MTA2: variants seen among roughly 807,000 people sequenced by gnomAD.
MTA2 encodes metastasis associated 1 family member 2.
Under a neutral mutation model 87.1 loss-of-function variants are expected in MTA2, and 22 were observed. The ratio of observed to expected loss-of-function variants is 0.25; its 90% CI spans 0.18 to 0.36. MTA2 has a LOEUF of 0.36. MTA2 is among the 10% of genes least tolerant of loss of function. The pLI is 1.00. For synonymous variants in MTA2, 314 were observed against 310.1 expected (o/e 1.01, Z -0.13); for missense variants, 542 against 853.2 (o/e 0.64, Z 4.54).
intron 7 of MTA2, 36 bp downstream of exon 7, chr11:62,597,574 C>T: frequency 1.3e-6 from 2 of 1,586,260 alleles, no homozygotes; most frequent in Middle Eastern, 1.7e-4. Context: ...GTCCACACCT[C>T]CCCCAGCCCA....
At position 62,598,656 on chromosome 11, in the gene MTA2, G is replaced by A; in HGVS notation, c.191-17C>T. ...CAAACTCCCCTGGGAGATTAAAGAG[G>A]AAGAAACCAAGTCAGAAATGGATCC... On this transcript the variant is annotated splice_polypyrimidine_tract_variant and intron_variant, in intron 3 of 17. Transcript: ENST00000278823. 1.2e-6 allele frequency: 2 copies of A among 1,608,304 alleles called. No homozygotes were observed. The highest frequency in any genetic ancestry group is 1.7e-6 in the Non-Finnish European group (2 of 1,175,654).
In MTA2 at chr11:62,593,762, G is replaced by T; in HGVS notation, c.*113C>A. On this transcript the variant is annotated 3_prime_UTR_variant, in exon 18 of 18. Coordinates refer to ENST00000278823, the MANE Select transcript of MTA2 (RefSeq NM_004739.4). The stretch of plus-strand genomic sequence containing the variant: ...CCCCTCCAGGGACACACACTCACTT[G>T]CTCTCTTCCTTAATTCACTCCTCAC... 1.5e-6 allele frequency: 2 copies of T among 1,351,858 alleles called. No individual in the cohort carries two copies. Among genetic ancestry groups the T allele is most frequent in the Non-Finnish European group, 2.0e-6 (2 of 982,636 alleles). 83.7% of individuals were successfully genotyped at this position (1,351,858 alleles called of 1,614,324 possible).
rs1172440985 is a variant in MTA2, at chr11:62,596,779, T to C, written c.740A>G (p.Lys247Arg). The change falls in exon 9 of 18, where the codon AAG becomes AGG. Residue 247 changes from lysine (K) to arginine (R), a missense_variant. Physicochemically the swap from Lys to Arg is conservative, Grantham distance 26. This residue lies in a region of MTA2 where 44 missense variants were observed against 104.8 expected (regional missense o/e 0.42). Transcript: ENST00000278823. Reference protein sequence around the residue: ...TLQRNGYDLAKAMSTLVPQGG... With the variant: ...TLQRNGYDLARAMSTLVPQGG... ...CTGGGGTACCAGGGTCGACATGGCC[T>C]TAGCCAGGTCGTAGCCGTTCCTTTG... is the stretch of plus-strand genomic sequence containing the variant. 1.2e-6 allele frequency: 2 copies of C among 1,613,554 alleles called. No homozygotes were observed.
chr11:62,599,647 A>C lies in MTA2; in HGVS notation c.190+519T>G, dbSNP rs886343031. ...TTAAAGAGAATGAAGATAGGGCAAA[A>C]TGAAAAGGGAAAGATGTAAAATGGA... On this transcript the variant is annotated intron_variant, in intron 3 of 17. Transcript: ENST00000278823. 2.0e-5 allele frequency among the ~76,000 whole-genome samples: 3 copies of C among 149,550 alleles called. No homozygotes were observed. The East Asian group carries it at 6.1e-4, about 30-fold the overall frequency.
At position 62,593,884 on chromosome 11, in the gene MTA2, C is replaced by T. The variant is rs1942058280; in HGVS notation, c.1998G>A (p.Leu666=). Residue 666 remains leucine (L), a synonymous_variant, in exon 18 of 18, where the codon CTG becomes CTA. Transcript: ENST00000278823. ...CCTTCCCCACAGGTGCTCAGTCCTC[C>T]AGGACAATAGGCTCATTGGTGCTGG... ...HPASTNEPIV[L]ED 6.2e-7 allele frequency: 1 copy of T among 1,614,002 alleles called. No individual in the cohort carries two copies. The highest frequency in any genetic ancestry group is 1.1e-5 in the South Asian group (1 of 91,080).
At chr11:62,594,878 A>G (rs1048797808) in intron 15 of MTA2, 103 bp downstream of exon 15, 1 of 1,088,358 alleles carries the variant, frequency 9.2e-7, no homozygotes. Flanking sequence ...GTTAGACTAA[A>G]TCTCTGAGGA....
Position 62,601,595 on chromosome 11 carries a change from C to T in MTA2, c.-145G>A, listed in dbSNP as rs932920962. On this transcript the variant is annotated 5_prime_UTR_variant, in exon 1 of 18. Coordinates refer to ENST00000278823, the MANE Select transcript of MTA2 (RefSeq NM_004739.4). Reference sequence around the variant, plus strand: ...GCCCGCGCAGCCGGCACCTCCGCTGCCTCAGCCGTCGCGGTTCATCCCGGC... The same window carrying T: ...GCCCGCGCAGCCGGCACCTCCGCTGTCTCAGCCGTCGCGGTTCATCCCGGC... The T allele has an allele frequency of 2.9e-5, 27 of 925,890 alleles. No homozygotes were observed. The highest frequency in any genetic ancestry group is 3.5e-5 in the Non-Finnish European group (23 of 648,186). The allele number at this position is 925,890 out of a possible 1,614,324, so 57.4% of individuals were successfully genotyped here. A position where few individuals can be genotyped will look rare whatever the true frequency, so the allele number is the denominator to read the frequency against.
chr11:62,594,130 G>A, intron 17 of MTA2, 90 bp from the exon 18 acceptor site: 1 of 1,553,820 alleles, frequency 6.4e-7, no homozygotes, highest in Non-Finnish European at 8.7e-7. Context: ...ATGCCTTCTG[G>A]CCCATTCTTT....
rs1485571631 is a variant in MTA2, at chr11:62,593,357, CT to C, written c.*517del. 6.8e-6 allele frequency: 1 copy of C among 147,226 alleles called. No homozygotes were observed. The highest frequency in any genetic ancestry group is 2.5e-5 in the African/African-American group (1 of 39,400). 9.1% of individuals were successfully genotyped at this position (147,226 alleles called of 1,614,324 possible). A position where few individuals can be genotyped will look rare whatever the true frequency, so the allele number is the denominator to read the frequency against. On this transcript the variant is annotated 3_prime_UTR_variant, in exon 18 of 18. Transcript: ENST00000278823. ...GAGGGAAGGAAAGAGCGAGCGTGGC[CT>C]GGGGTTGATGCCAGCTTAGGGGCCT...
Position 62,601,801 on chromosome 11 carries a change from G to C in MTA2, c.-351C>G, listed in dbSNP as rs751172819. The C allele has an allele frequency of 2.8e-4, 139 of 503,090 alleles. No individual in the cohort carries two copies. The highest frequency in any genetic ancestry group is 4.0e-4 in the Non-Finnish European group (117 of 289,298). The allele number at this position is 503,090 out of a possible 1,614,324, so 31.2% of individuals were successfully genotyped here. A position where few individuals can be genotyped will look rare whatever the true frequency, so the allele number is the denominator to read the frequency against. On this transcript the variant is annotated 5_prime_UTR_variant, in exon 1 of 18. Coordinates refer to ENST00000278823, the MANE Select transcript of MTA2 (RefSeq NM_004739.4). ...CTGCCGGCCGCAGGGAAGGCTTGCC[G>C]GGCCCGCCTCAGGGTTCGCCTCCTT...
At position 62,595,130 on chromosome 11, in the gene MTA2, A is replaced by G; in HGVS notation, c.1484-60T>C. The stretch of plus-strand genomic sequence containing the variant: ...CACCATTCAGGTCTCCTCTAAGGCC[A>G]GAAGCCAACTCTAATCTTAAAAAAA... On this transcript the variant is annotated intron_variant, in intron 14 of 17. Coordinates refer to ENST00000278823, the MANE Select transcript of MTA2 (RefSeq NM_004739.4). The surrounding 1 kb of genome is among the most constrained non-coding windows in gnomAD (Gnocchi z 4.9). 5 of 1,570,230 alleles carry G rather than the reference A, an allele frequency of 3.2e-6. No homozygotes were observed. The highest frequency in any genetic ancestry group is 4.4e-6 in the Non-Finnish European group (5 of 1,146,390).
At chr11:62,596,148 T>G (rs777270343) in intron 11 of MTA2, 41 bp from the exon 12 acceptor site, 1 of 1,607,768 alleles carries the variant, frequency 6.2e-7, no homozygotes, top group Non-Finnish European at 8.5e-7. Flanking sequence ...AACAAGAAAC[T>G]GGTCAAGGAA....
At position 62,595,518 on chromosome 11, in the gene MTA2, G is replaced by C. The variant is rs1942086571; in HGVS notation, c.1255-26C>G. The C allele has an allele frequency of 6.2e-7, 1 of 1,612,016 alleles. No homozygotes were observed. The highest frequency in any genetic ancestry group is 8.5e-7 in the Non-Finnish European group (1 of 1,178,254). ...CTAGAAGAAGAGCATAGGAAAGAGA[G>C]AGAGCAGAAATCAGCACTGAGGCTC... is the stretch of plus-strand genomic sequence containing the variant. On this transcript the variant is annotated intron_variant, in intron 13 of 17. Coordinates refer to ENST00000278823, the MANE Select transcript of MTA2 (RefSeq NM_004739.4). This position sits in a 1 kb window ranked among gnomAD's most constrained non-coding sequence, Gnocchi z 4.9.
In MTA2 at chr11:62,598,379, C is replaced by G. The variant is rs1270625502; in HGVS notation, c.320G>C (p.Ser107Thr). The stretch of plus-strand genomic sequence containing the variant: ...ATCTGTCTCATTCAAGAGGGTCACA[C>G]TGCATTTCCCCCTATAGGAGAGAGA... The part of the protein sequence containing the change: ...LPATHIRGKC[S>T]VTLLNETDIL... Residue 107 changes from serine to threonine, a missense_variant, in exon 5 of 18, where the codon AGT becomes ACT. Around this residue, in one of 6 missense-constraint regions of MTA2, gnomAD observed 150 missense variants for 243.9 expected, o/e 0.62. Transcript: ENST00000278823. The G allele has an allele frequency of 1.9e-6, 3 of 1,614,056 alleles. No individual in the cohort carries two copies. The highest frequency in any genetic ancestry group is 2.5e-6 in the Non-Finnish European group (3 of 1,180,034).
In MTA2 at chr11:62,593,859, C is replaced by T; in HGVS notation, c.*16G>A. On this transcript the variant is annotated 3_prime_UTR_variant, in exon 18 of 18. Transcript: ENST00000278823. ...CACCCTCTACCTCTCAGCCCACCTCCCTTCCCCACAGGTGCTCAGTCCTCC... is the reference window on the plus strand; with the variant it reads ...CACCCTCTACCTCTCAGCCCACCTCTCTTCCCCACAGGTGCTCAGTCCTCC... 6.2e-7 allele frequency: 1 copy of T among 1,614,016 alleles called. No homozygotes were observed.
chr11:62,596,784 C>A lies in MTA2; in HGVS notation c.735G>T (p.Leu245=). 6.2e-7 allele frequency: 1 copy of A among 1,612,564 alleles called. No homozygotes were observed. The highest frequency in any genetic ancestry group is 2.2e-5 in the East Asian group (1 of 44,882). Residue 245 remains leucine, a synonymous_variant, in exon 9 of 18, where the codon CTG becomes CTT. Coordinates refer to ENST00000278823, the MANE Select transcript of MTA2 (RefSeq NM_004739.4). ...MDTLQRNGYD[L]AKAMSTLVPQ... ...GTACCAGGGTCGACATGGCCTTAGC[C>A]AGGTCGTAGCCGTTCCTTTGCAAGG...
chr11:62,595,610 C>T lies in MTA2; in HGVS notation c.1255-118G>A. 1.3e-6 allele frequency: 2 copies of T among 1,508,642 alleles called. No homozygotes were observed. The highest frequency in any genetic ancestry group is 9.1e-7 in the Non-Finnish European group (1 of 1,104,962). The allele number at this position is 1,508,642 out of a possible 1,614,324, so 93.5% of individuals were successfully genotyped here. The stretch of plus-strand genomic sequence containing the variant: ...TCTAATCTCTTTACTGACCTCTTGG[C>T]CTATGTGTCTCCCCAACCAGCATCA... On this transcript the variant is annotated intron_variant, in intron 13 of 17. Transcript: ENST00000278823. The surrounding 1 kb of genome is among the most constrained non-coding windows in gnomAD (Gnocchi z 4.9).
At position 62,593,557 on chromosome 11, in the gene MTA2, A is replaced by G. The variant is rs1364598705; in HGVS notation, c.*318T>C. 1 of 190,598 alleles carries G rather than the reference A, an allele frequency of 5.2e-6. No homozygotes were observed. Among genetic ancestry groups the G allele is most frequent in the East Asian group, 1.7e-4 (1 of 6,026 alleles). The allele number at this position is 190,598 out of a possible 1,614,324, so 11.8% of individuals were successfully genotyped here. A position where few individuals can be genotyped will look rare whatever the true frequency, so the allele number is the denominator to read the frequency against. ...CCTCCCCATCCCCTTTCACAAAGGG[A>G]GGCAAAATTTTTAAAAAATTAAAAA... On this transcript the variant is annotated 3_prime_UTR_variant, in exon 18 of 18. Transcript: ENST00000278823.
In MTA2 at chr11:62,598,404, AT is replaced by A. The variant is rs1249593130; in HGVS notation, c.309-15del. ...CTGCATTTCCCCCTATAGGAGAGAGATTGGAAAACCCCGGTGAGCCCCACTC... is the reference window on the plus strand; with the variant it reads ...CTGCATTTCCCCCTATAGGAGAGAGATGGAAAACCCCGGTGAGCCCCACTC... On this transcript the variant is annotated splice_polypyrimidine_tract_variant and intron_variant, in intron 4 of 17. Transcript: ENST00000278823. 6.2e-7 allele frequency: 1 copy of A among 1,613,762 alleles called. No individual in the cohort carries two copies. Among genetic ancestry groups the A allele is most frequent in the Non-Finnish European group, 8.5e-7 (1 of 1,179,756 alleles).
Sources: gnomAD v4.1 joint callset for allele counts (sites outside exome capture counted in the v4.1 genomes callset) on GRCh38, gnomAD v4.1.1 for gene constraint, gnomAD v4.1.1 regional missense constraint, Gnocchi (gnomAD v3.1) non-coding constraint, MANE v1.5 for transcripts, NCBI Gene and HGNC (gene_info 2026-07-23, HGNC 2026-07-21) for gene names.